The following EBPL variants were observed in gnomAD, a reference collection of about 807,000 sequenced individuals.
The protein encoded by EBPL is EBP like.
A neutral mutation model predicts 19.0 loss-of-function variants in EBPL; 20 were observed. The ratio of observed to expected loss-of-function variants is 1.05; its 90% CI spans 0.74 to 1.53. EBPL has a LOEUF of 1.53. Among genes scored for constraint, EBPL ranks in the 40% most tolerant of loss-of-function variants. The pLI, the probability that EBPL is intolerant of heterozygous loss-of-function variation, is 0.00. For missense variants in EBPL, 219 were observed against 261.1 expected, an observed-to-expected ratio of 0.84 and a Z score of 1.11; for synonymous variants, 107 against 117.0, an observed-to-expected ratio of 0.91 and a Z score of 0.55.
At chr13:49,673,416 A>G (rs1436552281) in intron 1 of EBPL, among the ~76,000 whole-genome samples, 1 of 152,220 alleles carries the variant, frequency 6.6e-6, no homozygotes, top group Non-Finnish European at 1.5e-5. Flanking sequence ...AAAAGCTTAC[A>G]TAATGGTTAC....
At chr13:49,689,364 T>C (rs114623896) in intron 1 of EBPL, among the ~76,000 whole-genome samples, 4,296 of 152,290 alleles carry the variant, frequency 0.028, 203 homozygotes, top group African/African-American at 0.097. Flanking sequence ...TTCTTTTTTT[T>C]CCCAAGATAG....
At chr13:49,685,026 C>T (rs1839872678) in intron 1 of EBPL, among the ~76,000 whole-genome samples, 1 of 152,182 alleles carries the variant, frequency 6.6e-6, no homozygotes, top group African/African-American at 2.4e-5. Context: ...CTGCCTCAGC[C>T]TCCTGAATAG....
chr13:49,684,355 A>G (rs555421824), intron 1 of EBPL, among the ~76,000 whole-genome samples: 3 of 152,356 alleles, frequency 2.0e-5, no homozygotes, highest in Admixed American at 6.5e-5. Flanking sequence ...CTTTCACTAT[A>G]ATAACAATAA....
At chr13:49,669,680 AAATGAAGTCATACAGTATAT>A in intron 2 of EBPL, 77 bp downstream of exon 2, 1 of 1,057,262 alleles carries the variant, frequency 9.5e-7, no homozygotes, top group Non-Finnish European at 1.4e-6. Flanking sequence ...CATTTCATAT[AAATGAAGTCATACAGTATAT>A]AATAGAGGCG....
chr13:49,677,366 G>A (rs1953887671), intron 1 of EBPL, among the ~76,000 whole-genome samples: 1 of 152,166 alleles, frequency 6.6e-6, no homozygotes, highest in Non-Finnish European at 1.5e-5. Flanking sequence ...AAAGCACATG[G>A]TGAAAAGGAG....
rs76847992 is a variant in EBPL, at chr13:49,676,109, C to A, written c.172-6263G>T. ...AGATATCATCACTTGGAATTTGAAACCACTGGGCTAGACTGCCCCATGGGC... is the reference window on the plus strand; with the variant it reads ...AGATATCATCACTTGGAATTTGAAAACACTGGGCTAGACTGCCCCATGGGC... On this transcript the variant is annotated intron_variant, in intron 1 of 3. Transcript: ENST00000242827. Among the ~76,000 whole-genome samples the A allele has an allele frequency of 1.2e-3, 182 of 152,274 alleles. 1 individual carries two copies. In the East Asian group the frequency reaches 0.013, roughly 11 times the overall value.
At chr13:49,672,284 TA>T (rs1953825846) in intron 1 of EBPL, among the ~76,000 whole-genome samples, 1 of 152,200 alleles carries the variant, frequency 6.6e-6, no homozygotes, top group South Asian at 2.1e-4. Context: ...CTTACTGTAT[TA>T]ATGTCCTAAA....
intron 3 of EBPL, chr13:49,662,050 G>A: frequency 2.2e-6 from 2 of 912,292 alleles, no homozygotes; most frequent in Non-Finnish European, 3.4e-6. Flanking sequence ...CTGGAGTGCA[G>A]TGGCACGAAC....
At chr13:49,673,588 C>A (rs1953841906) in intron 1 of EBPL, among the ~76,000 whole-genome samples, 1 of 152,080 alleles carries the variant, frequency 6.6e-6, no homozygotes, top group Non-Finnish European at 1.5e-5. Flanking sequence ...AGGAATGCAC[C>A]ACCACGCCCA....
At chr13:49,661,442 T>C (rs562802393) in intron 3 of EBPL, among the ~76,000 whole-genome samples, 29 of 152,244 alleles carry the variant, frequency 1.9e-4, no homozygotes, top group Admixed American at 1.6e-3. Context: ...ATTCTCAGAG[T>C]TAAGTAAGGA....
chr13:49,666,702 A>AT (rs74692463), intron 2 of EBPL, among the ~76,000 whole-genome samples: 23,337 of 114,018 alleles, frequency 0.2, 2,582 homozygotes, highest in African/African-American at 0.33. Flanking sequence ...AAAGAGTGAG[A>AT]CTCCGTCTCA....
intron 2 of EBPL, among the ~76,000 whole-genome samples, chr13:49,664,000 C>G (rs1423588625): frequency 1.3e-5 from 2 of 152,042 alleles, no homozygotes; most frequent in Admixed American, 1.3e-4. Flanking sequence ...GCCTGTAATC[C>G]CAGCACTTTG....
intron 2 of EBPL, among the ~76,000 whole-genome samples, chr13:49,665,843 G>A (rs958878928): frequency 6.6e-6 from 1 of 152,166 alleles, no homozygotes; most frequent in Non-Finnish European, 1.5e-5. Flanking sequence ...GTAAGTGGCG[G>A]TTAGCGAATA....
chr13:49,687,266 C>T (rs1165905123), intron 1 of EBPL, among the ~76,000 whole-genome samples: 1 of 152,282 alleles, frequency 6.6e-6, no homozygotes, highest in South Asian at 2.1e-4. Flanking sequence ...ACCACATTCT[C>T]CCCTGGAAAG....
rs372752177 is a variant in EBPL at position 49,660,987 on chromosome 13, G to C, written c.602C>G (p.Ser201Ter). The stretch of plus-strand genomic sequence containing the variant: ...GAAAGTTCACTGAAACTTCTTCACT[G>C]AACTGGTTTCTTTCTGATGCATTTT... ...LKKMHQKETS[S>*]VKKFQ Residue 201 changes from serine to a stop codon, truncating the protein, a stop_gained, in exon 4 of 4, where the codon TCA becomes TGA. Transcript: ENST00000242827. LOFTEE classifies it high-confidence loss of function. 1.3e-5 allele frequency: 21 copies of C among 1,612,884 alleles called. No individual in the cohort carries two copies. Among genetic ancestry groups the C allele is most frequent in the Non-Finnish European group, 1.7e-5 (20 of 1,179,366 alleles).
chr13:49,670,550 G>T (rs1221801163), intron 1 of EBPL, among the ~76,000 whole-genome samples: 1 of 152,138 alleles, frequency 6.6e-6, no homozygotes, highest in Non-Finnish European at 1.5e-5. Flanking sequence ...ACAATCATTT[G>T]TATGACATTA....
At chr13:49,691,198 GC>G in intron 1 of EBPL, 55 bp downstream of exon 1, 4 of 1,266,934 alleles carry the variant, frequency 3.2e-6, no homozygotes, top group Admixed American at 3.5e-5. Context: ...CCGCCTTGCC[GC>G]CCCCGCTCCC....
intron 1 of EBPL, among the ~76,000 whole-genome samples, chr13:49,678,726 CACAGTGCAGCCGCGGGCTGAAGGGCTCCT>C (rs1463771757): frequency 6.6e-6 from 1 of 152,138 alleles, no homozygotes; most frequent in Non-Finnish European, 1.5e-5. Flanking sequence ...GAGGGGCTCC[CACAGTGCAGCCGCGGGCTGAAGGGCTCCT>C]CAAGCATGGC....
At chr13:49,687,868 C>T (rs959832563) in intron 1 of EBPL, among the ~76,000 whole-genome samples, 1 of 152,186 alleles carries the variant, frequency 6.6e-6, no homozygotes, top group Admixed American at 6.5e-5. Context: ...CTTAACACAT[C>T]ACCACTAAAT....
Sources: allele counts gnomAD v4.1 joint callset (sites outside exome capture counted in the v4.1 genomes callset), GRCh38; gene constraint gnomAD v4.1.1; transcripts MANE v1.5; gene names NCBI Gene and HGNC (gene_info 2026-07-23, HGNC 2026-07-21).